MED16: variants seen among roughly 807,000 people sequenced by gnomAD.
MED16 encodes the protein mediator of RNA polymerase II transcription subunit 16.
MED16 carries 81 observed loss-of-function variants against 84.4 expected under a neutral mutation model. That is an observed-to-expected ratio of 0.96 (90% CI 0.80 to 1.15). The LOEUF is 1.15. MED16 is among the 50% of genes most tolerant of loss of function. The pLI is 0.00. For synonymous variants in MED16, 897 were observed against 552.2 expected (o/e 1.62, Z -8.76); for missense variants, 1,585 against 1,245.9 (o/e 1.27, Z -4.10).
At chr19:871,340 A>C in intron 12 of MED16, 87 bp from the exon 13 acceptor site, 1 of 1,398,086 alleles carries the variant, frequency 7.2e-7, no homozygotes, top group Non-Finnish European at 9.6e-7. Flanking sequence ...CCTCCAGTTC[A>C]GGAGCACCAG....
chr19:868,387 G>T, intron 15 of MED16, 29 bp downstream of exon 15: 1 of 1,606,134 alleles, frequency 6.2e-7, no homozygotes. Flanking sequence ...GGGTAGCTGA[G>T]GGGCACCCGC....
At chr19:868,380 T>C (rs868091410) in intron 15 of MED16, 36 bp downstream of exon 15, 3 of 1,602,060 alleles carry the variant, frequency 1.9e-6, no homozygotes, top group Non-Finnish European at 2.5e-6. Flanking sequence ...GGCTCAGGGG[T>C]AGCTGAGGGG....
rs528497711 is a variant in MED16 at position 891,303 on chromosome 19, C to A, written c.-18-154G>T. Among the ~76,000 whole-genome samples, 3 of 152,212 alleles carry A rather than the reference C, an allele frequency of 2.0e-5. 1 individual carries two copies. The highest frequency in any genetic ancestry group is 3.4e-3 in the Middle Eastern group (1 of 294). On this transcript the variant is annotated intron_variant, in intron 1 of 15. Coordinates refer to ENST00000325464, the MANE Select transcript of MED16 (RefSeq NM_005481.3). The stretch of plus-strand genomic sequence containing the variant: ...GCCAGACAGAGCCTGGGGCTGGGGC[C>A]GAGGGGGAACATGGAGAGGTCAGGG...
Position 867,993 on chromosome 19 carries a change from C to A in MED16, c.*108G>T, listed in dbSNP as rs1033164215. 1 of 1,418,470 alleles carries A rather than the reference C, an allele frequency of 7.0e-7. No individual in the cohort carries two copies. The highest frequency in any genetic ancestry group is 9.4e-7 in the Non-Finnish European group (1 of 1,066,414). The allele number at this position is 1,418,470 out of a possible 1,614,324, so 87.9% of individuals were successfully genotyped here. ...GCAGAGGGCGTTTATTGGACCTGTCCTTCCCAGCCGCTGCTTGTCCAGGTT... is the reference window on the plus strand; with the variant it reads ...GCAGAGGGCGTTTATTGGACCTGTCATTCCCAGCCGCTGCTTGTCCAGGTT... On this transcript the variant is annotated 3_prime_UTR_variant, in exon 16 of 16. Transcript: ENST00000325464.
Position 868,039 on chromosome 19 carries a change from G to T in MED16, c.*62C>A. 6.5e-7 allele frequency: 1 copy of T among 1,537,306 alleles called. No individual in the cohort carries two copies. The stretch of plus-strand genomic sequence containing the variant: ...AGGTTCAGCGCTCTCCGCGGGTGAG[G>T]CAAGGAAACCGAGGAGACGCCCGAG... On this transcript the variant is annotated 3_prime_UTR_variant, in exon 16 of 16. Coordinates refer to ENST00000325464, the MANE Select transcript of MED16 (RefSeq NM_005481.3).
In MED16 at chr19:884,936, C is replaced by T. The variant is rs568700465; in HGVS notation, c.952G>A (p.Val318Met). 15 of 1,609,568 alleles carry T rather than the reference C, an allele frequency of 9.3e-6. No individual in the cohort carries two copies. The highest frequency in any genetic ancestry group is 5.5e-5 in the South Asian group (5 of 90,718). Residue 318 changes from valine to methionine, a missense_variant, in exon 6 of 16, where the codon GTG becomes ATG. Coordinates refer to ENST00000325464, the MANE Select transcript of MED16 (RefSeq NM_005481.3). ...CWSLRKEGLPVNNIFQQISPV... is the reference protein window; with the variant it reads ...CWSLRKEGLPMNNIFQQISPV... ...GAGATCTGCTGGAAGATGTTGTTCA[C>T]GGGGAGTCCCTCCTTGCGCAGGGAC...
intron 8 of MED16, among the ~76,000 whole-genome samples, chr19:879,143 C>T (rs1370899325): frequency 1.3e-5 from 2 of 149,276 alleles, no homozygotes; most frequent in East Asian, 2.1e-4. Flanking sequence ...GCCCCAGCCC[C>T]AGCCCCACGT....
intron 3 of MED16, 107 bp from the exon 4 acceptor site, chr19:889,914 C>T: frequency 7.4e-7 from 1 of 1,360,392 alleles, no homozygotes; most frequent in Non-Finnish European, 9.9e-7. Flanking sequence ...GAGGTCTCGG[C>T]CCAGGTAGGG....
chr19:880,111 G>T lies in MED16; in HGVS notation c.1179C>A (p.Ile393=). 4 of 1,610,394 alleles carry T rather than the reference G, an allele frequency of 2.5e-6. No homozygotes were observed. The highest frequency in any genetic ancestry group is 3.4e-6 in the Non-Finnish European group (4 of 1,179,362). The change falls in exon 8 of 16, where the codon ATC becomes ATA. Residue 393 remains isoleucine, a synonymous_variant. Transcript: ENST00000325464. ...ALAFHDGSVH[I]VHRLSLQTMA... The stretch of plus-strand genomic sequence containing the variant: ...TGGTCTGCAGTGAGAGCCGGTGCAC[G>T]ATGTGGACGCTGCCGTCGTGGAAGG...
At chr19:885,058 A>T (rs2036498804) in intron 5 of MED16, 50 bp from the exon 6 acceptor site, 4 of 1,406,992 alleles carry the variant, frequency 2.8e-6, no homozygotes, top group Non-Finnish European at 3.9e-6. Flanking sequence ...TGTGGTGGCC[A>T]CGCCACCACC....
intron 1 of MED16, among the ~76,000 whole-genome samples, chr19:891,447 G>A (rs1018761966): frequency 2.6e-5 from 4 of 152,228 alleles, no homozygotes; most frequent in African/African-American, 4.8e-5. Flanking sequence ...TGGGGGCCAA[G>A]GGCACAGCCG....
At position 885,802 on chromosome 19, in the gene MED16, G is replaced by T. The variant is rs1220408167; in HGVS notation, c.847C>A (p.Leu283Ile). ...RKDKFPAITH[L>I]KFLARDMSEQ... ...GACATGTCCCGGGCCAGGAACTTGA[G>T]GTGGGTGATGGCGGGAAACTTGTCC... The change falls in exon 5 of 16, where the codon CTC becomes ATC. Residue 283 changes from leucine (L) to isoleucine (I), a missense_variant. Physicochemically the swap from Leu to Ile is conservative, Grantham distance 5 (BLOSUM62 2). Coordinates refer to ENST00000325464, the MANE Select transcript of MED16 (RefSeq NM_005481.3). The T allele has an allele frequency of 3.1e-6, 5 of 1,612,140 alleles. No homozygotes were observed. Among genetic ancestry groups the T allele is most frequent in the Non-Finnish European group, 4.2e-6 (5 of 1,179,912 alleles).
chr19:879,433 G>T (rs1568326964), intron 8 of MED16, among the ~76,000 whole-genome samples: 2 of 5,160 alleles, frequency 3.9e-4, no homozygotes, highest in African/African-American at 6.4e-4. Flanking sequence ...ACCAACCCCA[G>T]CCCCACGTGC....
intron 7 of MED16, among the ~76,000 whole-genome samples, 168 bp from the exon 8 acceptor site, chr19:880,316 T>C (rs1009803888): frequency 6.6e-6 from 1 of 152,234 alleles, no homozygotes; most frequent in Non-Finnish European, 1.5e-5. Context: ...TTTCTTTAGT[T>C]ACACAGTCCC....
At chr19:873,869 G>T (rs1464914274) in intron 10 of MED16, among the ~76,000 whole-genome samples, 1 of 152,290 alleles carries the variant, frequency 6.6e-6, no homozygotes, top group East Asian at 1.9e-4. Flanking sequence ...CAGTGCTCAG[G>T]CCCGGCCTGC....
intron 9 of MED16, 58 bp downstream of exon 9, chr19:876,916 C>A (rs1454526532): frequency 1.3e-6 from 2 of 1,495,966 alleles, no homozygotes; most frequent in African/African-American, 3.0e-5. Context: ...GCCACGGGGC[C>A]CCCACCTGCC....
rs774144089 is a variant in MED16, at chr19:885,765, T to C, written c.879+5A>G. On this transcript the variant is annotated splice_donor_5th_base_variant and intron_variant, in intron 5 of 15. Transcript: ENST00000325464. ...CAGCCCACGTGATGGCCTGCGCCCG[T>C]TCACCTGCTCCGACATGTCCCGGGC... 8.1e-6 allele frequency: 13 copies of C among 1,604,374 alleles called. No individual in the cohort carries two copies. The highest frequency in any genetic ancestry group is 3.3e-4 in the Middle Eastern group (2 of 6,080).
chr19:873,779 G>A (rs1011870768), intron 10 of MED16, among the ~76,000 whole-genome samples, 197 bp from the exon 11 acceptor site: 18 of 151,066 alleles, frequency 1.2e-4, no homozygotes, highest in East Asian at 3.9e-4. Context: ...GCCCCCCCCC[G>A]GGGGCCGCTG....
At chr19:869,862 G>C (rs532598277) in intron 13 of MED16, among the ~76,000 whole-genome samples, 9 of 152,366 alleles carry the variant, frequency 5.9e-5, no homozygotes, top group Non-Finnish European at 1.0e-4. Flanking sequence ...TGACGGGCCT[G>C]GGTTCAAATC....
Sources: gnomAD v4.1 joint callset for allele counts (sites outside exome capture counted in the v4.1 genomes callset) on GRCh38, gnomAD v4.1.1 for gene constraint, MANE v1.5 for transcripts, NCBI Gene and HGNC (gene_info 2026-07-23, HGNC 2026-07-21) for gene names.